RNF217: variants seen among roughly 807,000 people sequenced by gnomAD.
The protein encoded by RNF217 is E3 ubiquitin-protein ligase RNF217.
Under a neutral mutation model 57.8 loss-of-function variants are expected in RNF217, and 31 were observed. The ratio of observed to expected loss-of-function variants is 0.54; its 90% CI spans 0.40 to 0.72. RNF217 has a LOEUF of 0.72. Among genes scored for constraint, RNF217 ranks in the 30% least tolerant of loss-of-function variants. RNF217 has a pLI of 0.00. For synonymous variants in RNF217, 313 were observed against 294.0 expected (o/e 1.06, Z -0.66); for missense variants, 696 against 708.3 (o/e 0.98, Z 0.20).
At chr6:125,000,801 A>G (rs2114279627) in intron 1 of RNF217, among the ~76,000 whole-genome samples, 1 of 152,222 alleles carries the variant, frequency 6.6e-6, no homozygotes. Context: ...GGGTAGTCCT[A>G]AGTGGATAAC....
At chr6:124,975,140 AT>A (rs557319560) in intron 1 of RNF217, among the ~76,000 whole-genome samples, 317 of 152,154 alleles carry the variant, frequency 2.1e-3, no homozygotes, top group Non-Finnish European at 3.3e-3. Flanking sequence ...TGTGGTATTG[AT>A]TCTTGCTTTA....
intron 1 of RNF217, among the ~76,000 whole-genome samples, chr6:124,980,553 T>G (rs1778271414): frequency 6.6e-6 from 1 of 152,202 alleles, no homozygotes; most frequent in Non-Finnish European, 1.5e-5. Flanking sequence ...CCTCTCTTCC[T>G]TCTAATTCTT....
At chr6:125,059,474 T>TA (rs1185758248) in intron 3 of RNF217, among the ~76,000 whole-genome samples, 2 of 152,160 alleles carry the variant, frequency 1.3e-5, no homozygotes, top group East Asian at 3.9e-4. Context: ...AGTAGGAACT[T>TA]AGAGTGCTGT....
intron 1 of RNF217, among the ~76,000 whole-genome samples, chr6:125,025,903 G>A (rs1256955682): frequency 6.6e-6 from 1 of 152,182 alleles, no homozygotes; most frequent in African/African-American, 2.4e-5. Context: ...TGAAGTTTTT[G>A]ACTGTGTGCA....
intron 1 of RNF217, among the ~76,000 whole-genome samples, chr6:125,022,074 G>A (rs1785864235): frequency 6.6e-6 from 1 of 152,108 alleles, no homozygotes; most frequent in South Asian, 2.1e-4. Context: ...GTAGAGATGG[G>A]GTTTCACCAT....
At chr6:125,065,248 G>T (rs982407851) in intron 3 of RNF217, among the ~76,000 whole-genome samples, 18 of 141,756 alleles carry the variant, frequency 1.3e-4, no homozygotes, top group African/African-American at 4.9e-4. Flanking sequence ...CCGAGATGAC[G>T]CCACTGCACT....
chr6:125,003,738 A>G (rs1785068729), intron 1 of RNF217, among the ~76,000 whole-genome samples: 1 of 152,162 alleles, frequency 6.6e-6, no homozygotes, highest in Admixed American at 6.6e-5. Context: ...AAATACAGGT[A>G]GTTATAGCAA....
At chr6:125,068,034 A>G (rs1354313980) in intron 3 of RNF217, among the ~76,000 whole-genome samples, 1 of 152,154 alleles carries the variant, frequency 6.6e-6, no homozygotes, top group East Asian at 1.9e-4. Flanking sequence ...TGTTCATTAT[A>G]TTTTGCAGAT....
In RNF217 at chr6:125,015,387, A is replaced by C. The variant is rs530621775; in HGVS notation, c.883-29824A>C. 3.9e-5 allele frequency among the ~76,000 whole-genome samples: 6 copies of C among 152,300 alleles called. No individual in the cohort carries two copies. The South Asian group carries it at 1.2e-3, about 32-fold the overall frequency. ...TATAAGTTTTTCTACGAAAATAATCAGAAATGCCCACAAACAAATACACTA... is the reference window on the plus strand; with the variant it reads ...TATAAGTTTTTCTACGAAAATAATCCGAAATGCCCACAAACAAATACACTA... On this transcript the variant is annotated intron_variant, in intron 1 of 5. Coordinates refer to ENST00000521654, the MANE Select transcript of RNF217 (RefSeq NM_001286398.3).
intron 2 of RNF217, among the ~76,000 whole-genome samples, chr6:125,052,588 T>G (rs999749240): frequency 3.3e-5 from 5 of 152,010 alleles, no homozygotes; most frequent in African/African-American, 1.2e-4. Flanking sequence ...TCAAAATATG[T>G]TTTCCCATAT....
chr6:125,030,135 A>G (rs766633852), intron 1 of RNF217, among the ~76,000 whole-genome samples: 2 of 152,172 alleles, frequency 1.3e-5, no homozygotes, highest in South Asian at 4.1e-4. Context: ...CTTATTCACT[A>G]TCACAAGAAT....
chr6:125,048,189 A>G lies in RNF217; in HGVS notation c.1116+2745A>G, dbSNP rs549831383. ...CTGACATGGATACCCCAGCCAACCA[A>G]TCGTGAGATTCATGGCCACAGTATG... On this transcript the variant is annotated intron_variant, in intron 2 of 5. Transcript: ENST00000521654. 1.5e-5 allele frequency: 20 copies of G among 1,349,218 alleles called. No homozygotes were observed. In the East Asian group the frequency reaches 6.5e-4, roughly 44 times the overall value. The allele number at this position is 1,349,218 out of a possible 1,614,324, so 83.6% of individuals were successfully genotyped here. A position where few individuals can be genotyped will look rare whatever the true frequency, so the allele number is the denominator to read the frequency against.
rs911458518 is a variant in RNF217, at chr6:125,082,378, A to G, written c.1556-486A>G. Reference sequence around the variant, plus strand: ...TGCAGGACAGATAGAATTATAAAGTATCTGACATTTAAGTTCTTGCAATGT... The same window carrying G: ...TGCAGGACAGATAGAATTATAAAGTGTCTGACATTTAAGTTCTTGCAATGT... On this transcript the variant is annotated intron_variant, in intron 5 of 5. Coordinates refer to ENST00000521654, the MANE Select transcript of RNF217 (RefSeq NM_001286398.3). 196 of 1,409,998 alleles carry G rather than the reference A, an allele frequency of 1.4e-4. 2 individuals carry two copies. Among genetic ancestry groups the G allele is most frequent in the Admixed American group, 1.4e-4 (6 of 41,644 alleles). The allele number at this position is 1,409,998 out of a possible 1,614,324, so 87.3% of individuals were successfully genotyped here. A position where few individuals can be genotyped will look rare whatever the true frequency, so the allele number is the denominator to read the frequency against.
At chr6:125,070,940 A>G (rs1788109642) in intron 3 of RNF217, among the ~76,000 whole-genome samples, 2 of 152,206 alleles carry the variant, frequency 1.3e-5, no homozygotes, top group Admixed American at 1.3e-4. Flanking sequence ...ACTGGAGACA[A>G]ATACTTGTGG....
intron 1 of RNF217, among the ~76,000 whole-genome samples, chr6:125,023,524 CAAAA>C: frequency 6.6e-6 from 1 of 152,220 alleles, no homozygotes; most frequent in East Asian, 1.9e-4. Flanking sequence ...GGAGGATCCT[CAAAA>C]AACTTAAAAT....
At chr6:125,008,038 C>T (rs1785257127) in intron 1 of RNF217, among the ~76,000 whole-genome samples, 3 of 152,018 alleles carry the variant, frequency 2.0e-5, no homozygotes, top group Non-Finnish European at 4.4e-5. Flanking sequence ...GGGTGGATCA[C>T]GAGGTCAGTA....
intron 1 of RNF217, among the ~76,000 whole-genome samples, chr6:124,967,749 A>C (rs1213014234): frequency 6.6e-6 from 1 of 152,084 alleles, no homozygotes; most frequent in East Asian, 1.9e-4. Flanking sequence ...GAGTCATCCA[A>C]ATCTTCATGG....
intron 3 of RNF217, among the ~76,000 whole-genome samples, chr6:125,072,807 T>C (rs1788199653): frequency 6.6e-6 from 1 of 151,988 alleles, no homozygotes. Context: ...TCTTCTGGTG[T>C]TACCTTTTAA....
intron 1 of RNF217, among the ~76,000 whole-genome samples, chr6:125,032,171 G>A (rs1329057590): frequency 6.6e-6 from 1 of 152,134 alleles, no homozygotes; most frequent in African/African-American, 2.4e-5. Flanking sequence ...TTCAAGTTGA[G>A]ATTTGGGTGG....
Sources: allele counts gnomAD v4.1 joint callset (sites outside exome capture counted in the v4.1 genomes callset), GRCh38; gene constraint gnomAD v4.1.1; transcripts MANE v1.5; gene names NCBI Gene and HGNC (gene_info 2026-07-23, HGNC 2026-07-21).